The following LRMDA variants were observed in gnomAD, a reference collection of about 807,000 sequenced individuals.
The protein encoded by LRMDA is leucine rich melanocyte differentiation associated.
A neutral mutation model predicts 29.8 loss-of-function variants in LRMDA; 18 were observed. The ratio of observed to expected loss-of-function variants is 0.60; its 90% CI spans 0.42 to 0.90. LRMDA has a LOEUF of 0.90. Among genes scored for constraint, LRMDA ranks in the 40% least tolerant of loss-of-function variants. The pLI is 0.00. For missense variants in LRMDA, 273 were observed against 273.9 expected, an observed-to-expected ratio of 1.00 and a Z score of 0.02; for synonymous variants, 125 against 109.4, an observed-to-expected ratio of 1.14 and a Z score of -0.89.
chr10:75,518,323 G>A (rs183343002), intron 2 of LRMDA, among the ~76,000 whole-genome samples: 246 of 152,202 alleles, frequency 1.6e-3, no homozygotes, highest in African/African-American at 5.6e-3. Context: ...CTGTGAATCC[G>A]TCTGGTCCTG....
At chr10:75,847,354 T>C (rs1214468108) in intron 2 of LRMDA, among the ~76,000 whole-genome samples, 1 of 152,188 alleles carries the variant, frequency 6.6e-6, no homozygotes, top group African/African-American at 2.4e-5. Flanking sequence ...CAAAAATCAA[T>C]TCAACATTTT....
chr10:76,216,188 A>C (rs2132251986), intron 5 of LRMDA, among the ~76,000 whole-genome samples: 1 of 152,256 alleles, frequency 6.6e-6, no homozygotes, highest in Non-Finnish European at 1.5e-5. Context: ...CCCCATCTGT[A>C]CAAAAAATAA....
At chr10:76,165,154 G>A (rs990372136) in intron 5 of LRMDA, among the ~76,000 whole-genome samples, 1 of 152,152 alleles carries the variant, frequency 6.6e-6, no homozygotes, top group African/African-American at 2.4e-5. Context: ...TGTATTTTAA[G>A]TAGAGATGGG....
intron 6 of LRMDA, among the ~76,000 whole-genome samples, chr10:76,458,435 T>A (rs926127656): frequency 6.6e-6 from 1 of 152,234 alleles, no homozygotes; most frequent in African/African-American, 2.4e-5. Flanking sequence ...GGCAAGTTTA[T>A]TGATACTTTT....
At chr10:75,879,616 G>A (rs1261473476) in intron 2 of LRMDA, among the ~76,000 whole-genome samples, 2 of 152,184 alleles carry the variant, frequency 1.3e-5, no homozygotes, top group Admixed American at 6.5e-5. Context: ...GAGGCTGAGG[G>A]CAAGTGACCT....
chr10:75,758,950 A>AT (rs57108453), intron 2 of LRMDA, among the ~76,000 whole-genome samples: 230 of 141,968 alleles, frequency 1.6e-3, no homozygotes, highest in East Asian at 2.2e-3. Flanking sequence ...CTTTGCCAGT[A>AT]TTTTTTTTTT....
At chr10:75,980,507 A>G (rs1382289473) in intron 2 of LRMDA, among the ~76,000 whole-genome samples, 1 of 152,060 alleles carries the variant, frequency 6.6e-6, no homozygotes, top group Non-Finnish European at 1.5e-5. Flanking sequence ...AACTTGATAG[A>G]TTTTTTTGGC....
chr10:76,443,661 G>C (rs566926756), intron 6 of LRMDA, among the ~76,000 whole-genome samples: 1 of 152,234 alleles, frequency 6.6e-6, no homozygotes, highest in South Asian at 2.1e-4. Flanking sequence ...CCACAGCCTT[G>C]TTCCCTCTAG....
chr10:75,560,719 G>A (rs199845119), intron 2 of LRMDA, among the ~76,000 whole-genome samples: 90,002 of 147,796 alleles, frequency 0.61, 30,319 homozygotes, highest in East Asian at 0.85. Context: ...TCAATACCTA[G>A]TTTATTGAGA....
intron 5 of LRMDA, among the ~76,000 whole-genome samples, chr10:76,311,744 T>C (rs1337902158): frequency 1.3e-5 from 2 of 152,212 alleles, no homozygotes; most frequent in African/African-American, 4.8e-5. Context: ...TCCCCACAAA[T>C]ATACTTGCAT....
rs565312011 is a variant in LRMDA, at chr10:75,946,851, G to A, written c.132-89157G>A. Among the ~76,000 whole-genome samples the A allele has an allele frequency of 8.3e-4, 127 of 152,260 alleles. 1 individual carries two copies. The highest frequency in any genetic ancestry group is 1.6e-3 in the Non-Finnish European group (111 of 68,020). On this transcript the variant is annotated intron_variant, in intron 2 of 6. Transcript: ENST00000611255. ...GTCCACTCTTAGGAGAAGATCTTAT[G>A]TCAGCCACAAACCCCCAGTGCAACA...
chr10:75,753,980 G>A (rs942236095), intron 2 of LRMDA, among the ~76,000 whole-genome samples: 2 of 152,232 alleles, frequency 1.3e-5, no homozygotes, highest in East Asian at 1.9e-4. Flanking sequence ...AATCAAAGAT[G>A]TTTCCCAGAA....
At chr10:76,431,933 C>T (rs963611316) in intron 6 of LRMDA, among the ~76,000 whole-genome samples, 1 of 152,198 alleles carries the variant, frequency 6.6e-6, no homozygotes, top group African/African-American at 2.4e-5. Flanking sequence ...TGAGACATGC[C>T]TTTCACCTTC....
chr10:75,833,785 C>T (rs1029416099), intron 2 of LRMDA, among the ~76,000 whole-genome samples: 2 of 152,062 alleles, frequency 1.3e-5, no homozygotes, highest in Admixed American at 6.6e-5. Flanking sequence ...AAGTTGTCTG[C>T]CCCCAAAATA....
intron 2 of LRMDA, among the ~76,000 whole-genome samples, chr10:75,923,600 G>A (rs1846063912): frequency 6.6e-6 from 1 of 152,154 alleles, no homozygotes; most frequent in South Asian, 2.1e-4. Flanking sequence ...TGCAGTGAAT[G>A]CTTGCATTTC....
chr10:76,466,125 CAT>C (rs1292365940), intron 6 of LRMDA, among the ~76,000 whole-genome samples: 1 of 152,096 alleles, frequency 6.6e-6, no homozygotes, highest in Non-Finnish European at 1.5e-5. Flanking sequence ...AAATAACAAA[CAT>C]AGTAATTGCA....
Position 76,419,701 on chromosome 10 carries a change from C to T in LRMDA, c.601+95216C>T, listed in dbSNP as rs371356965. On this transcript the variant is annotated intron_variant, in intron 6 of 6. Transcript: ENST00000611255. ...ACCAGCAGTTATTGAGCATTCCTTA[C>T]TTATTTTCCACCTGTATATCTTCTT... Among the ~76,000 whole-genome samples, 77 of 152,178 alleles carry T rather than the reference C, an allele frequency of 5.1e-4. 1 individual carries two copies. The highest frequency in any genetic ancestry group is 1.8e-3 in the African/African-American group (73 of 41,566).
chr10:75,572,919 G>T (rs1180068304), intron 2 of LRMDA, among the ~76,000 whole-genome samples: 1 of 152,190 alleles, frequency 6.6e-6, no homozygotes, highest in Non-Finnish European at 1.5e-5. Context: ...AAGGCCATGT[G>T]AGGACACAGC....
intron 2 of LRMDA, among the ~76,000 whole-genome samples, chr10:76,027,370 G>A (rs1848079384): frequency 6.6e-6 from 1 of 152,162 alleles, no homozygotes; most frequent in Non-Finnish European, 1.5e-5. Context: ...TATTTAAAAG[G>A]AATATTAACT....
Sources: gnomAD v4.1 joint callset for allele counts (sites outside exome capture counted in the v4.1 genomes callset) on GRCh38, gnomAD v4.1.1 for gene constraint, MANE v1.5 for transcripts, NCBI Gene and HGNC (gene_info 2026-07-23, HGNC 2026-07-21) for gene names.